The following AUTS2 variants were observed in gnomAD, a reference collection of about 807,000 sequenced individuals.
AUTS2 encodes autism susceptibility gene 2 protein.
A neutral mutation model predicts 112.4 loss-of-function variants in AUTS2; 17 were observed. The observed-to-expected ratio is 0.15, with a 90% CI of 0.10 to 0.23. The LOEUF is 0.23. AUTS2 is among the 10% of genes least tolerant of loss of function. AUTS2 has a pLI of 1.00. For synonymous variants in AUTS2, 751 were observed against 702.7 expected (o/e 1.07, Z -1.09); for missense variants, 1,510 against 1,701.6 (o/e 0.89, Z 1.98).
intron 4 of AUTS2, among the ~76,000 whole-genome samples, chr7:70,272,048 C>G (rs1441296914): frequency 6.6e-6 from 1 of 152,130 alleles, no homozygotes; most frequent in Non-Finnish European, 1.5e-5. Context: ...GCCTGCGTCT[C>G]TCCTGAGGAT....
intron 5 of AUTS2, among the ~76,000 whole-genome samples, chr7:70,635,814 T>C (rs1037319129): frequency 6.6e-6 from 1 of 152,204 alleles, no homozygotes; most frequent in African/African-American, 2.4e-5. Flanking sequence ...GGCCCCAAGA[T>C]GGACCCTAGG....
chr7:69,892,052 A>C (rs1412075317), intron 1 of AUTS2, among the ~76,000 whole-genome samples: 2 of 151,822 alleles, frequency 1.3e-5, no homozygotes, highest in Admixed American at 6.6e-5. Flanking sequence ...TGGCCTCCCA[A>C]AGTGCTGGGA....
chr7:70,508,273 G>C (rs558264020), intron 5 of AUTS2, among the ~76,000 whole-genome samples: 22 of 152,108 alleles, frequency 1.4e-4, no homozygotes, highest in South Asian at 1.0e-3. Context: ...TCAAAAAGGA[G>C]GGGGGTAGGG....
Position 70,651,283 on chromosome 7 carries a change from G to A in AUTS2, c.691-47286G>A, listed in dbSNP as rs1806492959. On this transcript the variant is annotated intron_variant, in intron 5 of 18. Transcript: ENST00000342771. ...GGTAAAGCTGGACCCAGGTAATGTG[G>A]CTTCATAGCCTGCCCCCTCTCTGGT... Among the ~76,000 whole-genome samples, 3 of 152,142 alleles carry A rather than the reference G, an allele frequency of 2.0e-5. No individual in the cohort carries two copies. In the South Asian group the frequency reaches 6.2e-4, roughly 31 times the overall value.
intron 5 of AUTS2, among the ~76,000 whole-genome samples, chr7:70,502,797 G>A (rs1251337415): frequency 6.6e-6 from 1 of 152,184 alleles, no homozygotes; most frequent in African/African-American, 2.4e-5. Flanking sequence ...CACAGCTATG[G>A]TATAGTCCTG....
chr7:70,379,139 T>A (rs1334798265), intron 4 of AUTS2, among the ~76,000 whole-genome samples: 1 of 152,090 alleles, frequency 6.6e-6, no homozygotes, highest in African/African-American at 2.4e-5. Flanking sequence ...CCTTCAACCA[T>A]CTTTGAAATC....
chr7:70,278,949 C>G (rs1788074183), intron 4 of AUTS2, among the ~76,000 whole-genome samples: 1 of 152,194 alleles, frequency 6.6e-6, no homozygotes, highest in South Asian at 2.1e-4. Flanking sequence ...AAGGAAGATT[C>G]TTAAGTGCTT....
At chr7:69,765,559 C>T (rs112533439) in intron 1 of AUTS2, among the ~76,000 whole-genome samples, 223 of 152,310 alleles carry the variant, frequency 1.5e-3, no homozygotes, top group African/African-American at 5.0e-3. Context: ...TCAAGTGGTC[C>T]TCCTGCCTTG....
At chr7:69,770,530 G>T (rs1407630795) in intron 1 of AUTS2, among the ~76,000 whole-genome samples, 1 of 151,974 alleles carries the variant, frequency 6.6e-6, no homozygotes, top group African/African-American at 2.4e-5. Context: ...CAATTGGCCT[G>T]TTGGGCATGA....
intron 5 of AUTS2, among the ~76,000 whole-genome samples, chr7:70,460,084 AGAG>A (rs1302730446): frequency 7.2e-5 from 11 of 152,154 alleles, no homozygotes; most frequent in African/African-American, 2.7e-4. Flanking sequence ...CATACCGTAT[AGAG>A]GAGGGAACTC....
intron 1 of AUTS2, among the ~76,000 whole-genome samples, chr7:69,738,970 G>A (rs893858198): frequency 9.2e-5 from 14 of 152,068 alleles, no homozygotes; most frequent in East Asian, 1.9e-4. Flanking sequence ...CAAGATGTTC[G>A]GTGGTGTCCC....
chr7:70,678,115 T>G (rs1439701243), intron 5 of AUTS2, among the ~76,000 whole-genome samples: 1 of 151,560 alleles, frequency 6.6e-6, no homozygotes, highest in Non-Finnish European at 1.5e-5. Context: ...AATAATAATT[T>G]TAGTAGGTTC....
chr7:70,469,170 G>A (rs991938545), intron 5 of AUTS2, among the ~76,000 whole-genome samples: 2 of 152,208 alleles, frequency 1.3e-5, no homozygotes, highest in East Asian at 1.9e-4. Context: ...CCATCACGGA[G>A]CAGCTACTTC....
chr7:69,612,552 T>G (rs1793106064), intron 1 of AUTS2, among the ~76,000 whole-genome samples: 1 of 152,076 alleles, frequency 6.6e-6, no homozygotes, highest in Non-Finnish European at 1.5e-5. Flanking sequence ...CTCGACCTCC[T>G]GGGCTGAAGT....
chr7:70,238,468 CTTAT>C (rs1277835868), intron 4 of AUTS2, among the ~76,000 whole-genome samples: 1 of 152,180 alleles, frequency 6.6e-6, no homozygotes, highest in African/African-American at 2.4e-5. Flanking sequence ...TCCCTCCCTT[CTTAT>C]TTACTTTCCT....
intron 1 of AUTS2, among the ~76,000 whole-genome samples, chr7:69,643,534 A>G (rs550579528): frequency 6.6e-6 from 1 of 152,068 alleles, no homozygotes; most frequent in East Asian, 1.9e-4. Flanking sequence ...AAAACTTCTC[A>G]GCTCCACAGA....
intron 1 of AUTS2, among the ~76,000 whole-genome samples, chr7:69,883,562 A>T (rs1445649523): frequency 2.0e-5 from 3 of 152,186 alleles, no homozygotes; most frequent in African/African-American, 7.2e-5. Context: ...TCTGCTGGTC[A>T]TCAGAGCAGG....
intron 6 of AUTS2, among the ~76,000 whole-genome samples, chr7:70,717,069 T>C (rs1810421289): frequency 6.7e-6 from 1 of 149,622 alleles, no homozygotes; most frequent in Non-Finnish European, 1.5e-5. Context: ...TCTCACTCTG[T>C]CACCCAGACT....
intron 2 of AUTS2, among the ~76,000 whole-genome samples, chr7:69,997,282 T>C (rs922271018): frequency 3.9e-5 from 6 of 152,216 alleles, no homozygotes; most frequent in African/African-American, 9.6e-5. Context: ...TGTCTTATAA[T>C]CAAATAGTAT....
Sources: gnomAD v4.1 joint callset for allele counts (sites outside exome capture counted in the v4.1 genomes callset) on GRCh38, gnomAD v4.1.1 for gene constraint, MANE v1.5 for transcripts, NCBI Gene and HGNC (gene_info 2026-07-23, HGNC 2026-07-21) for gene names.